TUBGCP3: variants seen among roughly 807,000 people sequenced by gnomAD.
The protein encoded by TUBGCP3 is gamma-tubulin complex component 3.
A neutral mutation model predicts 123.1 loss-of-function variants in TUBGCP3; 50 were observed. The observed-to-expected ratio is 0.41, with a 90% confidence interval of 0.32 to 0.51. TUBGCP3 has a LOEUF of 0.51. TUBGCP3 is among the 20% of genes least tolerant of loss of function. The probability of loss-of-function intolerance (pLI) is 0.36; values close to 1 mark genes in which losing one functional copy is unlikely to be tolerated. For missense variants in TUBGCP3, 882 were observed against 1,127.0 expected, an observed-to-expected ratio of 0.78 and a Z score of 3.11; for synonymous variants, 405 against 413.9, an observed-to-expected ratio of 0.98 and a Z score of 0.26.
intron 19 of TUBGCP3, among the ~76,000 whole-genome samples, chr13:112,501,870 CG>C (rs2138991422): frequency 6.6e-6 from 1 of 152,236 alleles, no homozygotes; most frequent in South Asian, 2.1e-4. Flanking sequence ...TTTTCTCCCC[CG>C]GATAGGGTTC....
chr13:112,578,041 C>G (rs899333667), intron 1 of TUBGCP3, among the ~76,000 whole-genome samples: 6 of 152,148 alleles, frequency 3.9e-5, no homozygotes, highest in Admixed American at 2.6e-4. Context: ...GTAAAAGAGT[C>G]TTGGAACATG....
the TUBGCP3 span, among the ~76,000 whole-genome samples, chr13:112,597,385 G>A: frequency 7.9e-5 from 12 of 152,176 alleles, no homozygotes; most frequent in African/African-American, 2.9e-4. Flanking sequence ...CCCCATTAGA[G>A]AAATAAAACT....
rs180905274 is a variant in TUBGCP3 at position 112,581,325 on chromosome 13, C to T, written c.76+6580G>A. 9.9e-5 allele frequency among the ~76,000 whole-genome samples: 13 copies of T among 131,452 alleles called. No homozygotes were observed. The East Asian group carries it at 1.5e-3, about 15-fold the overall frequency. 86.2% of individuals were successfully genotyped at this position (131,452 alleles called of 152,430 possible). A position where few individuals can be genotyped will look rare whatever the true frequency, so the allele number is the denominator to read the frequency against. On this transcript the variant is annotated intron_variant, in intron 1 of 21. Transcript: ENST00000261965. ...AAAATGTTTTGTGGGGTCACAGGGT[C>T]GGGGTAGTTTTTTTCTCCTTATATT...
the TUBGCP3 span, among the ~76,000 whole-genome samples, chr13:112,600,272 A>G: frequency 4.6e-5 from 7 of 152,212 alleles, no homozygotes; most frequent in African/African-American, 1.4e-4. Flanking sequence ...ATTATAGGGG[A>G]AAAATGCATT....
At chr13:112,587,859 G>T in intron 1 of TUBGCP3, 46 bp downstream of exon 1, 1 of 1,531,520 alleles carries the variant, frequency 6.5e-7, no homozygotes. Flanking sequence ...GCAGGGAGCA[G>T]CCCCCGGGAC....
chr13:112,558,747 T>C (rs1377458517), intron 4 of TUBGCP3, among the ~76,000 whole-genome samples: 1 of 152,222 alleles, frequency 6.6e-6, no homozygotes, highest in Non-Finnish European at 1.5e-5. Flanking sequence ...ATGGTTTACA[T>C]GTATATTAAT....
chr13:112,568,786 TG>T (rs1388502726), intron 2 of TUBGCP3, among the ~76,000 whole-genome samples: 1 of 152,224 alleles, frequency 6.6e-6, no homozygotes, highest in African/African-American at 2.4e-5. Context: ...ACAGCTCATG[TG>T]TGGCGGCTCA....
chr13:112,511,872 G>T lies in TUBGCP3; in HGVS notation c.2086+4568C>A, dbSNP rs147220615. On this transcript the variant is annotated intron_variant, in intron 17 of 21. Coordinates refer to ENST00000261965, the MANE Select transcript of TUBGCP3 (RefSeq NM_006322.6). The surrounding 1 kb of genome is among the most constrained non-coding windows in gnomAD (Gnocchi z 4.1). ...GCTTTCTAATTATAAGGGACCTGCT[G>T]GTTCAGATGTGGCCCCACCAAGCTA... 5.0e-4 allele frequency among the ~76,000 whole-genome samples: 76 copies of T among 152,172 alleles called. 1 individual carries two copies. The East Asian group carries it at 0.015, about 29-fold the overall frequency.
chr13:112,525,972 G>C (rs929054127), intron 13 of TUBGCP3, among the ~76,000 whole-genome samples: 14 of 152,090 alleles, frequency 9.2e-5, no homozygotes, highest in African/African-American at 3.4e-4. Flanking sequence ...GTATCAGAGA[G>C]TAATTCTAAT....
intron 11 of TUBGCP3, among the ~76,000 whole-genome samples, chr13:112,534,658 GA>G (rs1566558021): frequency 6.6e-6 from 1 of 152,012 alleles, no homozygotes; most frequent in Non-Finnish European, 1.5e-5. Context: ...ACGCCATGGT[GA>G]ACAGGAGCAC....
intron 1 of TUBGCP3, among the ~76,000 whole-genome samples, chr13:112,586,556 A>G (rs543741738): frequency 6.6e-6 from 1 of 152,186 alleles, no homozygotes; most frequent in Non-Finnish European, 1.5e-5. Flanking sequence ...TCTACTCAGA[A>G]CCTTCCCCAG....
At position 112,545,623 on chromosome 13, in the gene TUBGCP3, G is replaced by C; in HGVS notation, c.1335+76C>G. 1 of 1,535,348 alleles carries C rather than the reference G, an allele frequency of 6.5e-7. No homozygotes were observed. Among genetic ancestry groups the C allele is most frequent in the Non-Finnish European group, 9.0e-7 (1 of 1,114,922 alleles). ...TGTTAGGAGAACATGGTAATCATGA[G>C]GGGAAAAATGAAACAGCATAACTGC... On this transcript the variant is annotated intron_variant, in intron 11 of 21. Coordinates refer to ENST00000261965, the MANE Select transcript of TUBGCP3 (RefSeq NM_006322.6). The surrounding 1 kb of genome is among the most constrained non-coding windows in gnomAD (Gnocchi z 4.1).
intron 1 of TUBGCP3, among the ~76,000 whole-genome samples, chr13:112,576,755 C>T (rs557418852): frequency 5.3e-4 from 80 of 151,816 alleles, no homozygotes; most frequent in Non-Finnish European, 1.0e-3. Context: ...TGAGATGTGG[C>T]TAAAACAGTC....
At chr13:112,560,826 C>T (rs1036736082) in intron 3 of TUBGCP3, among the ~76,000 whole-genome samples, 1 of 152,186 alleles carries the variant, frequency 6.6e-6, no homozygotes, top group African/African-American at 2.4e-5. Flanking sequence ...AAGAAACAGA[C>T]CCAGCCCTGA....
At chr13:112,506,326 T>C (rs780207072) in intron 17 of TUBGCP3, among the ~76,000 whole-genome samples, 6 of 152,152 alleles carry the variant, frequency 3.9e-5, no homozygotes, top group Non-Finnish European at 8.8e-5. Flanking sequence ...ACTCAAGGGC[T>C]CAAGCGCCTC....
At chr13:112,526,901 A>G in intron 13 of TUBGCP3, 41 bp downstream of exon 13, 1 of 1,401,940 alleles carries the variant, frequency 7.1e-7, no homozygotes, top group Non-Finnish European at 1.0e-6. Context: ...CATCAACATC[A>G]CACCATTGCC....
At chr13:112,543,974 G>T (rs1878737472) in intron 11 of TUBGCP3, among the ~76,000 whole-genome samples, 1 of 152,170 alleles carries the variant, frequency 6.6e-6, no homozygotes, top group African/African-American at 2.4e-5. Flanking sequence ...AGTAATCAGG[G>T]AAATGCAAAT....
intron 21 of TUBGCP3, among the ~76,000 whole-genome samples, chr13:112,488,047 G>C (rs1555335934): frequency 6.7e-6 from 1 of 148,912 alleles, no homozygotes; most frequent in Non-Finnish European, 1.5e-5. Context: ...CAGTAGCATC[G>C]TTTGAACCCA....
At chr13:112,538,070 C>A (rs899665310) in intron 11 of TUBGCP3, among the ~76,000 whole-genome samples, 14 of 152,186 alleles carry the variant, frequency 9.2e-5, no homozygotes, top group Non-Finnish European at 1.8e-4. Flanking sequence ...TATTGAGGAT[C>A]CCTTCTGTGT....
Sources: allele counts gnomAD v4.1 joint callset (sites outside exome capture counted in the v4.1 genomes callset), GRCh38; gene constraint gnomAD v4.1.1; non-coding constraint Gnocchi (gnomAD v3.1); transcripts MANE v1.5; gene names NCBI Gene and HGNC (gene_info 2026-07-23, HGNC 2026-07-21).